The following TTLL10 variants were observed in gnomAD, a reference collection of about 807,000 sequenced individuals.
The protein encoded by TTLL10 is tubulin tyrosine ligase like 10.
A neutral mutation model predicts 69.0 loss-of-function variants in TTLL10; 61 were observed. That is an observed-to-expected ratio of 0.88 (90% CI 0.72 to 1.09). The LOEUF (loss-of-function observed/expected upper bound fraction) is 1.09, where lower values mean the gene tolerates loss of function less well. Ranked by LOEUF, TTLL10 falls within the 50% of genes least tolerant of loss-of-function variation. The pLI is 0.00. For missense variants in TTLL10, 962 were observed against 945.9 expected (o/e 1.02, Z -0.22); for synonymous variants, 408 against 393.3 (o/e 1.04, Z -0.44).
At position 1,176,195 on chromosome 1, in the gene TTLL10, C is replaced by T. The variant is rs796130167; in HGVS notation, c.-28+1706C>T. ...AGGTGGAGAGAGGCTGCCGCTGTGC[C>T]GGTGGAGAGGCTGCTGCTCCCAGCC... On this transcript the variant is annotated intron_variant, in intron 3 of 15. Transcript: ENST00000379289. The T allele has an allele frequency of 2.1e-5, 8 of 390,084 alleles. No individual in the cohort carries two copies. In the East Asian group the frequency reaches 4.8e-4, roughly 23 times the overall value. 24.2% of individuals were successfully genotyped at this position (390,084 alleles called of 1,614,324 possible).
Position 1,196,600 on chromosome 1 carries a change from A to C in TTLL10, c.1402A>C (p.Lys468Gln), listed in dbSNP as rs1648228621. ...AKDWVFTTLK[K>Q]RMQQIMAHCF... ...AGGATGCCTCCCTGCCTCCCTGCAG[A>C]AGCGGATGCAGCAGATCATGGCCCA... Residue 468 changes from lysine to glutamine, a missense_variant and splice_region_variant, in exon 14 of 16, where the codon AAG (lysine) becomes CAG (glutamine). Transcript: ENST00000379289. 2 of 1,550,516 alleles carry C rather than the reference A, an allele frequency of 1.3e-6. No homozygotes were observed. Among genetic ancestry groups the C allele is most frequent in the African/African-American group, 2.7e-5 (2 of 73,006 alleles).
At chr1:1,174,229 G>A (rs1215749445) in intron 1 of TTLL10, 56 bp from the exon 2 acceptor site, 1 of 152,630 alleles carries the variant, frequency 6.6e-6, no homozygotes, top group Non-Finnish European at 1.5e-5. Flanking sequence ...TGCCTCCGCA[G>A]AGCAAGTCCT....
At chr1:1,180,929 G>A in intron 8 of TTLL10, 69 bp downstream of exon 8, 1 of 1,258,374 alleles carries the variant, frequency 7.9e-7, no homozygotes, top group Non-Finnish European at 1.0e-6. Context: ...CCCTGCCCCT[G>A]CACCCGCCCC....
At chr1:1,189,096 A>G (rs532449429) in intron 13 of TTLL10, among the ~76,000 whole-genome samples, 1 of 152,228 alleles carries the variant, frequency 6.6e-6, no homozygotes, top group Non-Finnish European at 1.5e-5. Flanking sequence ...TCTGGAATAG[A>G]AACAGCTTTA....
chr1:1,179,635 C>T (rs1646980591), intron 4 of TTLL10, 22 bp from the exon 5 acceptor site: 1 of 1,550,820 alleles, frequency 6.4e-7, no homozygotes, highest in Non-Finnish European at 8.7e-7. Context: ...TCATCATGGA[C>T]ATTGTGACCC....
At chr1:1,180,907 G>C (rs1269165656) in intron 8 of TTLL10, 47 bp downstream of exon 8, 2 of 1,299,382 alleles carry the variant, frequency 1.5e-6, no homozygotes, top group East Asian at 6.6e-5. Flanking sequence ...CCGCCCCTAC[G>C]CCTGCCCCTG....
chr1:1,180,707 C>A (rs776828445), intron 7 of TTLL10, 24 bp from the exon 8 acceptor site: 1 of 1,594,682 alleles, frequency 6.3e-7, no homozygotes, highest in East Asian at 2.3e-5. Flanking sequence ...TCCCTCCACA[C>A]GAGCCCTGGC....
intron 13 of TTLL10, among the ~76,000 whole-genome samples, chr1:1,186,081 C>T (rs1349503718): frequency 1.3e-5 from 2 of 149,772 alleles, no homozygotes; most frequent in African/African-American, 4.9e-5. Flanking sequence ...GTTCACGTAT[C>T]CTTTTCTTTT....
Position 1,181,862 on chromosome 1 carries a change from C to CGACACCAGGTTTAGGT in TTLL10, c.830+47_830+48insGACACCAGGTTTAGGT. ...GGGGCCCTTCAGACCGAAGTTCAGACCTAAACCTGGTGTCGTCTGAAAAGG... is the reference window on the plus strand; with the variant it reads ...GGGGCCCTTCAGACCGAAGTTCAGACGACACCAGGTTTAGGTCTAAACCTGGTGTCGTCTGAAAAGG... On this transcript the variant is annotated intron_variant, in intron 9 of 15. Transcript: ENST00000379289. This position sits in a 1 kb window ranked among gnomAD's most constrained non-coding sequence, Gnocchi z 4.6. 1 of 1,529,212 alleles carries CGACACCAGGTTTAGGT rather than the reference C, an allele frequency of 6.5e-7. No homozygotes were observed. The highest frequency in any genetic ancestry group is 8.9e-7 in the Non-Finnish European group (1 of 1,121,820). The allele number at this position is 1,529,212 out of a possible 1,614,324, so 94.7% of individuals were successfully genotyped here.
At chr1:1,177,102 G>A (rs893010818) in intron 3 of TTLL10, among the ~76,000 whole-genome samples, 7 of 150,350 alleles carry the variant, frequency 4.7e-5, no homozygotes, top group African/African-American at 1.7e-4. Flanking sequence ...CTGTGTGTAC[G>A]TGTGTGTGTA....
chr1:1,197,523 C>A lies in TTLL10; in HGVS notation c.1698C>A (p.His566Gln). ...CCCAGCGCCGCTTCGTGCTCCTGCA[C>A]AACGGTGAGGCCGACCCGCGGCCGC... ...LLSQRRFVLL[H>Q]NGEADPRPHL... The change falls in exon 16 of 16, where the codon CAC becomes CAA. Residue 566 changes from histidine to glutamine, a missense_variant. Transcript: ENST00000379289. The A allele has an allele frequency of 1.3e-6, 2 of 1,537,264 alleles. No individual in the cohort carries two copies. The highest frequency in any genetic ancestry group is 1.2e-5 in the South Asian group (1 of 83,322).
intron 13 of TTLL10, 114 bp from the exon 14 acceptor site, chr1:1,196,486 C>A: frequency 5.3e-6 from 4 of 749,518 alleles, no homozygotes; most frequent in Non-Finnish European, 9.2e-6. Flanking sequence ...TGTGGCTGTA[C>A]AGGTGCGGGT....
chr1:1,175,506 C>G (rs1646840975), intron 3 of TTLL10: 1 of 370,376 alleles, frequency 2.7e-6, no homozygotes, highest in South Asian at 2.0e-5. Flanking sequence ...CCCGGCCTCC[C>G]CGGGTGGTGC....
chr1:1,191,721 C>A (rs9659458), intron 13 of TTLL10, among the ~76,000 whole-genome samples: 15,246 of 152,186 alleles, frequency 0.1, 871 homozygotes, highest in East Asian at 0.15. Context: ...AGCTGACAGC[C>A]CTGAACAGAG....
Position 1,183,970 on chromosome 1 carries a change from C to A in TTLL10, c.1139C>A (p.Ser380Tyr). The stretch of plus-strand genomic sequence containing the variant: ...GACGGGAGAAAGTTTGACGTGCGCT[C>A]CTACCTGCTCATTGCCTGCACCACA... ...LVDGRKFDVR[S>Y]YLLIACTTPY... Residue 380 changes from serine to tyrosine, a missense_variant, in exon 12 of 16, where the codon TCC (serine) becomes TAC (tyrosine). By Grantham distance (144) the Ser-to-Tyr change is moderately radical. Transcript: ENST00000379289. The A allele has an allele frequency of 6.2e-7, 1 of 1,614,220 alleles. No individual in the cohort carries two copies. The highest frequency in any genetic ancestry group is 8.5e-7 in the Non-Finnish European group (1 of 1,180,032).
rs1006748926 is a variant in TTLL10, at chr1:1,197,686, C to T, written c.1861C>T (p.Arg621Cys). The T allele has an allele frequency of 1.0e-5, 15 of 1,506,338 alleles. No homozygotes were observed. In the East Asian group the frequency reaches 2.4e-4, roughly 24 times the overall value. The allele number at this position is 1,506,338 out of a possible 1,614,324, so 93.3% of individuals were successfully genotyped here. ...RPAPPPLVPQ[R>C]PRPPGPDLDS... is the part of the protein sequence containing the mutation. ...TGCGCCACCTCCCTTGGTGCCGCAGCGTCCCCGGCCACCCGGCCCCGACCT... is the reference window on the plus strand; with the variant it reads ...TGCGCCACCTCCCTTGGTGCCGCAGTGTCCCCGGCCACCCGGCCCCGACCT... Residue 621 changes from arginine (R) to cysteine (C), a missense_variant, in exon 16 of 16, where the codon CGT becomes TGT. By Grantham distance (180) the Arg-to-Cys change is radical. Transcript: ENST00000379289.
At chr1:1,191,368 C>T (rs1647763602) in intron 13 of TTLL10, among the ~76,000 whole-genome samples, 2 of 152,154 alleles carry the variant, frequency 1.3e-5, no homozygotes, top group Admixed American at 1.3e-4. Flanking sequence ...GAGATGGAAA[C>T]ATTGCTTAAG....
chr1:1,191,612 T>A (rs993055562), intron 13 of TTLL10, among the ~76,000 whole-genome samples: 1 of 152,174 alleles, frequency 6.6e-6, no homozygotes, highest in Non-Finnish European at 1.5e-5. Flanking sequence ...ACCAGCTCGG[T>A]CGGGGAGACC....
chr1:1,181,258 G>A lies in TTLL10; in HGVS notation c.755+398G>A, dbSNP rs1255107094. 6.6e-6 allele frequency among the ~76,000 whole-genome samples: 1 copy of A among 151,492 alleles called. No individual in the cohort carries two copies. Among genetic ancestry groups the A allele is most frequent in the East Asian group, 1.9e-4 (1 of 5,130 alleles). Reference sequence around the variant, plus strand: ...CCAGGTACAACCCACCTGTCAATCTGCCTTCACCCCAAACATCCATCCAAT... The same window carrying A: ...CCAGGTACAACCCACCTGTCAATCTACCTTCACCCCAAACATCCATCCAAT... On this transcript the variant is annotated intron_variant, in intron 8 of 15. Coordinates refer to ENST00000379289, the MANE Select transcript of TTLL10 (RefSeq NM_001130045.2). The surrounding 1 kb of genome is among the most constrained non-coding windows in gnomAD (Gnocchi z 4.6).
Sources: gnomAD v4.1 joint callset for allele counts (sites outside exome capture counted in the v4.1 genomes callset) on GRCh38, gnomAD v4.1.1 for gene constraint, Gnocchi (gnomAD v3.1) non-coding constraint, MANE v1.5 for transcripts, NCBI Gene and HGNC (gene_info 2026-07-23, HGNC 2026-07-21) for gene names.